ZFHX3: variants seen among roughly 807,000 people sequenced by gnomAD.
The protein encoded by ZFHX3 is zinc finger homeobox protein 3.
ZFHX3 carries 42 observed loss-of-function variants against 279.1 expected under a neutral mutation model. The ratio of observed to expected loss-of-function variants is 0.15; its 90% CI spans 0.12 to 0.19. ZFHX3 has a LOEUF of 0.19. ZFHX3 is among the 10% of genes least tolerant of loss of function. The pLI is 1.00. For synonymous variants in ZFHX3, 2,293 were observed against 1,957.8 expected (o/e 1.17, Z -4.52); for missense variants, 4,981 against 4,754.0 (o/e 1.05, Z -1.40).
intron 2 of ZFHX3, among the ~76,000 whole-genome samples, chr16:73,621,727 T>A (rs2052365534): frequency 6.6e-6 from 1 of 152,142 alleles, no homozygotes; most frequent in Non-Finnish European, 1.5e-5. Context: ...AACAAATTAT[T>A]AGCATATTCT....
intron 3 of ZFHX3, among the ~76,000 whole-genome samples, chr16:73,428,238 G>A (rs938490065): frequency 5.3e-5 from 8 of 152,024 alleles, no homozygotes; most frequent in African/African-American, 1.9e-4. Context: ...CCAGGGTCGG[G>A]GGCACACATG....
chr16:73,272,820 C>T (rs2014185114), intron 4 of ZFHX3, among the ~76,000 whole-genome samples: 1 of 152,116 alleles, frequency 6.6e-6, no homozygotes, highest in Admixed American at 6.5e-5. Flanking sequence ...TGACATGGTT[C>T]ACTGCAGCCT....
intron 2 of ZFHX3, among the ~76,000 whole-genome samples, chr16:73,588,715 A>AAAAAAAAC (rs2051955077): frequency 6.6e-6 from 1 of 151,474 alleles, no homozygotes; most frequent in African/African-American, 2.4e-5. Context: ...AACAAAAAAA[A>AAAAAAAAC]AAAAAACAAG....
At chr16:72,870,841 A>G (rs1416800969) in intron 4 of ZFHX3, among the ~76,000 whole-genome samples, 1 of 152,170 alleles carries the variant, frequency 6.6e-6, no homozygotes, top group East Asian at 1.9e-4. Context: ...ATAATAACCT[A>G]ATAGTTTTAT....
At chr16:73,353,799 G>A (rs1404885276) in intron 3 of ZFHX3, among the ~76,000 whole-genome samples, 1 of 152,056 alleles carries the variant, frequency 6.6e-6, no homozygotes, top group East Asian at 1.9e-4. Context: ...AAGAACAGGA[G>A]GAGATAGGAA....
At chr16:73,716,213 T>C (rs2053412841) in intron 1 of ZFHX3, among the ~76,000 whole-genome samples, 1 of 115,180 alleles carries the variant, frequency 8.7e-6, no homozygotes, top group Admixed American at 9.9e-5. Context: ...TGGGAAGGAG[T>C]CATAAACTTA....
At chr16:73,035,887 G>C (rs1597119273) in intron 1 of ZFHX3, among the ~76,000 whole-genome samples, 2 of 152,340 alleles carry the variant, frequency 1.3e-5, no homozygotes, top group East Asian at 3.9e-4. Flanking sequence ...CTGGGAGACA[G>C]AGTGAGACCC....
intron 1 of ZFHX3, among the ~76,000 whole-genome samples, chr16:73,711,453 T>C (rs2053361977): frequency 6.6e-6 from 1 of 152,118 alleles, no homozygotes; most frequent in Non-Finnish European, 1.5e-5. Flanking sequence ...GAGAGAGACT[T>C]TATAAATGCA....
At chr16:72,838,736 C>T (rs957351487) in intron 4 of ZFHX3, among the ~76,000 whole-genome samples, 1 of 152,304 alleles carries the variant, frequency 6.6e-6, no homozygotes, top group African/African-American at 2.4e-5. Context: ...GGAGGAAACG[C>T]CTAGAGCCAG....
At chr16:73,287,126 C>T (rs111174184) in intron 4 of ZFHX3, among the ~76,000 whole-genome samples, 4 of 93,518 alleles carry the variant, frequency 4.3e-5, no homozygotes, top group African/African-American at 3.6e-5. Flanking sequence ...GTCAGCGTGT[C>T]GGTGTGTTGG....
intron 3 of ZFHX3, among the ~76,000 whole-genome samples, chr16:73,363,616 G>T (rs2016472541): frequency 6.6e-6 from 1 of 151,950 alleles, no homozygotes; most frequent in Non-Finnish European, 1.5e-5. Context: ...AAATAGAAAG[G>T]AAAAACACAA....
intron 2 of ZFHX3, among the ~76,000 whole-genome samples, chr16:73,650,333 G>A (rs1206335507): frequency 2.7e-5 from 4 of 148,328 alleles, no homozygotes; most frequent in African/African-American, 7.4e-5. Flanking sequence ...TGCCCTAAGC[G>A]CATTTTCCAA....
At chr16:73,875,085 A>C (rs535226833) in intron 1 of ZFHX3, among the ~76,000 whole-genome samples, 1 of 152,344 alleles carries the variant, frequency 6.6e-6, no homozygotes, top group Non-Finnish European at 1.5e-5. Context: ...GAATACATTA[A>C]GGCAGTTATA....
upstream of ZFHX3, among the ~76,000 whole-genome samples, chr16:73,052,642 G>T (rs1322080974): frequency 2.0e-5 from 3 of 152,088 alleles, no homozygotes; most frequent in East Asian, 1.9e-4. Context: ...CGGTAAAAAC[G>T]TGCTTCATGC....
At chr16:73,464,750 G>A (rs2018534933) in intron 2 of ZFHX3, among the ~76,000 whole-genome samples, 1 of 152,206 alleles carries the variant, frequency 6.6e-6, no homozygotes, top group Non-Finnish European at 1.5e-5. Flanking sequence ...GCTGTGCTGG[G>A]GCTCGGTCAC....
intron 1 of ZFHX3, among the ~76,000 whole-genome samples, chr16:73,751,447 G>A (rs113758792): frequency 1.2e-4 from 18 of 152,138 alleles, no homozygotes; most frequent in African/African-American, 4.1e-4. Context: ...GTATATTCTC[G>A]ATCATTGGAC....
At chr16:73,739,486 C>A (rs78742692) in intron 1 of ZFHX3, among the ~76,000 whole-genome samples, 7,100 of 152,168 alleles carry the variant, frequency 0.047, 575 homozygotes, top group African/African-American at 0.16. Flanking sequence ...TTGCAAAAGT[C>A]CCCTGGCAGG....
At chr16:73,398,544 T>C (rs1000851759) in intron 3 of ZFHX3, among the ~76,000 whole-genome samples, 5 of 152,222 alleles carry the variant, frequency 3.3e-5, no homozygotes, top group Non-Finnish European at 5.9e-5. Flanking sequence ...ACAGCTATTA[T>C]TGTGGAAGTC....
intron 2 of ZFHX3, among the ~76,000 whole-genome samples, chr16:73,581,431 A>G (rs1441186177): frequency 2.6e-5 from 4 of 151,750 alleles, no homozygotes; most frequent in Non-Finnish European, 5.9e-5. Flanking sequence ...TCCTTTATTC[A>G]CATTTGAAAC....
Sources: allele counts gnomAD v4.1 joint callset (sites outside exome capture counted in the v4.1 genomes callset), GRCh38; gene constraint gnomAD v4.1.1; transcripts MANE v1.5; gene names NCBI Gene and HGNC (gene_info 2026-07-23, HGNC 2026-07-21).